The following BRI3BP variants were observed in gnomAD, a reference collection of about 807,000 sequenced individuals.
BRI3BP encodes the protein BRI3-binding protein.
In BRI3BP, 7 loss-of-function variants were observed where a neutral mutation model predicts 15.8. The ratio of observed to expected loss-of-function variants is 0.44; its 90% CI spans 0.25 to 0.83. BRI3BP has a LOEUF of 0.83. Ranked by LOEUF, BRI3BP falls within the 40% of genes least tolerant of loss-of-function variation. The pLI is 0.20. For synonymous variants in BRI3BP, 192 were observed against 163.5 expected (o/e 1.17, Z -1.33); for missense variants, 320 against 339.3 (o/e 0.94, Z 0.45).
Position 125,020,856 on chromosome 12 carries a change from GGC to G in BRI3BP, c.317-4134_317-4133del, listed in dbSNP as rs1870782760. 2.0e-5 allele frequency among the ~76,000 whole-genome samples: 3 copies of G among 151,080 alleles called. No homozygotes were observed. The Admixed American group carries it at 2.0e-4, about 10-fold the overall frequency. Reference sequence around the variant, plus strand: ...GATCATGCTACTGAAGTCTAGCCTGGGCTACAGAGCAAGACTCTGTCTCAAAT... The same window carrying G: ...GATCATGCTACTGAAGTCTAGCCTGGTACAGAGCAAGACTCTGTCTCAAAT... On this transcript the variant is annotated intron_variant, in intron 2 of 2. Coordinates refer to ENST00000341446, the MANE Select transcript of BRI3BP (RefSeq NM_080626.6).
In BRI3BP at chr12:125,029,577, T is replaced by C. The variant is rs1236244054; in HGVS notation, c.*4147T>C. On this transcript the variant is annotated 3_prime_UTR_variant, in exon 3 of 3. Coordinates refer to ENST00000341446, the MANE Select transcript of BRI3BP (RefSeq NM_080626.6). ...GTGTGTGTATATATATGTATATATA[T>C]ATACACACACACACACTTTCCAATA... 1.4e-5 allele frequency: 2 copies of C among 145,920 alleles called. No homozygotes were observed. The highest frequency in any genetic ancestry group is 5.4e-5 in the African/African-American group (2 of 37,308). 9.0% of individuals were successfully genotyped at this position (145,920 alleles called of 1,614,324 possible).
At chr12:125,004,108 G>C (rs1240698180) in intron 1 of BRI3BP, among the ~76,000 whole-genome samples, 3 of 152,074 alleles carry the variant, frequency 2.0e-5, no homozygotes, top group East Asian at 3.9e-4. Flanking sequence ...CTTTTTGTTT[G>C]AATTTGTATC....
Position 125,025,382 on chromosome 12 carries a change from C to G in BRI3BP, c.708C>G (p.Ile236Met), listed in dbSNP as rs1015179376. The stretch of plus-strand genomic sequence containing the variant: ...AGAAGCAGGTCAGACTGCTCAACAT[C>G]CGTCTCAACCGGGTGCTCGAGAGCC... ...HLEKQVRLLNIRLNRVLESLD... is the reference protein window; with the variant it reads ...HLEKQVRLLNMRLNRVLESLD... Residue 236 changes from isoleucine (I) to methionine (M), a missense_variant, in exon 3 of 3, where the codon ATC becomes ATG. Coordinates refer to ENST00000341446, the MANE Select transcript of BRI3BP (RefSeq NM_080626.6). The G allele has an allele frequency of 1.2e-6, 2 of 1,610,944 alleles. No individual in the cohort carries two copies. Among genetic ancestry groups the G allele is most frequent in the Non-Finnish European group, 1.7e-6 (2 of 1,178,636 alleles).
chr12:125,008,871 G>T (rs545789247), intron 1 of BRI3BP, among the ~76,000 whole-genome samples: 1 of 152,264 alleles, frequency 6.6e-6, no homozygotes, highest in South Asian at 2.1e-4. Flanking sequence ...TGTTCCTTCT[G>T]GGGGTGACGC....
the BRI3BP span, among the ~76,000 whole-genome samples, chr12:125,045,595 G>A: frequency 6.6e-6 from 1 of 152,184 alleles, no homozygotes; most frequent in African/African-American, 2.4e-5. Context: ...GTCTCCCAAA[G>A]TGCTGGGATT....
chr12:124,996,822 AG>A (rs1323897301), intron 1 of BRI3BP, among the ~76,000 whole-genome samples: 2 of 142,678 alleles, frequency 1.4e-5, no homozygotes, highest in African/African-American at 5.3e-5. Context: ...GCAGTGGTTC[AG>A]TCTTGGCTCA....
intron 1 of BRI3BP, among the ~76,000 whole-genome samples, chr12:125,003,915 T>C (rs1219449037): frequency 6.6e-6 from 1 of 151,004 alleles, no homozygotes; most frequent in East Asian, 1.9e-4. Context: ...ATTGCACCAC[T>C]GCACTCCAGC....
At chr12:125,019,313 A>G (rs1446812621) in intron 2 of BRI3BP, among the ~76,000 whole-genome samples, 1 of 151,924 alleles carries the variant, frequency 6.6e-6, no homozygotes, top group African/African-American at 2.4e-5. Flanking sequence ...GGTTTAAAGG[A>G]CAGCTTTCAC....
chr12:125,003,251 C>A (rs190710453), intron 1 of BRI3BP, among the ~76,000 whole-genome samples: 1 of 152,088 alleles, frequency 6.6e-6, no homozygotes, highest in Non-Finnish European at 1.5e-5. Flanking sequence ...TGTCACCCAA[C>A]CCCGGTGTTG....
downstream of BRI3BP, among the ~76,000 whole-genome samples, chr12:125,033,385 C>CT (rs574593830): frequency 1.8e-3 from 271 of 152,222 alleles, 1 homozygote; most frequent in Middle Eastern, 0.024. Flanking sequence ...GAGTGAGACT[C>CT]TGTCTCAGAA....
In BRI3BP at chr12:125,025,090, T is replaced by C. The variant is rs1483566343; in HGVS notation, c.416T>C (p.Leu139Ser). ...VGVVLLAYWF[L>S]SLTLGFTFSV... ...GTCGTCCTCCTGGCCTACTGGTTCT[T>C]GTCCCTGACCCTGGGCTTCACTTTC... Residue 139 changes from leucine (L) to serine (S), a missense_variant, in exon 3 of 3, where the codon TTG (leucine) becomes TCG (serine). By Grantham distance (145) the Leu-to-Ser change is moderately radical. Transcript: ENST00000341446. 6.2e-7 allele frequency: 1 copy of C among 1,613,794 alleles called. No homozygotes were observed. Among genetic ancestry groups the C allele is most frequent in the African/African-American group, 1.3e-5 (1 of 74,940 alleles).
At chr12:125,049,733 C>A in the BRI3BP span, among the ~76,000 whole-genome samples, 2 of 152,226 alleles carry the variant, frequency 1.3e-5, no homozygotes, top group Non-Finnish European at 2.9e-5. Context: ...GGTTGGCGCT[C>A]AGGCCGATCT....
intron 1 of BRI3BP, 29 bp from the exon 2 acceptor site, chr12:125,012,505 G>T: frequency 6.6e-7 from 1 of 1,516,874 alleles, no homozygotes; most frequent in South Asian, 1.1e-5. Context: ...AACAGTGATT[G>T]GGTGATGACC....
intron 2 of BRI3BP, among the ~76,000 whole-genome samples, chr12:125,019,953 C>CTT (rs71092263): frequency 0.014 from 1,077 of 75,042 alleles, no homozygotes; most frequent in Middle Eastern, 0.025. Flanking sequence ...CAACAACAGA[C>CTT]TTTTTTTTTT....
intron 1 of BRI3BP, among the ~76,000 whole-genome samples, chr12:125,009,500 G>A (rs11057984): frequency 0.13 from 20,000 of 151,986 alleles, 1,381 homozygotes; most frequent in Admixed American, 0.15. Context: ...ATGTTGGCCA[G>A]GCTGGTCTTG....
chr12:125,031,177 T>C lies in BRI3BP; in HGVS notation c.*5747T>C, dbSNP rs1283892767. The C allele has an allele frequency of 1.3e-5, 2 of 152,344 alleles. No homozygotes were observed. Among genetic ancestry groups the C allele is most frequent in the East Asian group, 3.9e-4 (2 of 5,192 alleles). The allele number at this position is 152,344 out of a possible 1,614,324, so 9.4% of individuals were successfully genotyped here. Reference sequence around the variant, plus strand: ...TGAAAATTACAGCTTAATAAATGTTTATTGTAATTTTGTTGTATGGACTTT... The same window carrying C: ...TGAAAATTACAGCTTAATAAATGTTCATTGTAATTTTGTTGTATGGACTTT... On this transcript the variant is annotated 3_prime_UTR_variant, in exon 3 of 3. Coordinates refer to ENST00000341446, the MANE Select transcript of BRI3BP (RefSeq NM_080626.6).
At chr12:125,047,556 A>G in the BRI3BP span, among the ~76,000 whole-genome samples, 2 of 150,296 alleles carry the variant, frequency 1.3e-5, no homozygotes, top group African/African-American at 4.9e-5. Context: ...CAGTATTTTT[A>G]GTAGAGACGG....
chr12:125,046,308 C>T, the BRI3BP span, among the ~76,000 whole-genome samples: 325 of 151,858 alleles, frequency 2.1e-3, 2 homozygotes, highest in East Asian at 3.3e-3. Flanking sequence ...AATCCCAGCA[C>T]TTTGGGAGGC....
intron 2 of BRI3BP, among the ~76,000 whole-genome samples, chr12:125,024,347 G>A (rs1955328928): frequency 6.7e-6 from 1 of 149,440 alleles, no homozygotes; most frequent in Non-Finnish European, 1.5e-5. Context: ...CTCCACACGT[G>A]AGGATTATAA....
Sources: allele counts gnomAD v4.1 joint callset (sites outside exome capture counted in the v4.1 genomes callset), GRCh38; gene constraint gnomAD v4.1.1; transcripts MANE v1.5; gene names NCBI Gene and HGNC (gene_info 2026-07-23, HGNC 2026-07-21).